The following TLK1 variants were observed in gnomAD, a reference collection of about 807,000 sequenced individuals.
TLK1 encodes the protein serine/threonine-protein kinase tousled-like 1.
A neutral mutation model predicts 105.3 loss-of-function variants in TLK1; 24 were observed. That is an observed-to-expected ratio of 0.23 (90% CI 0.17 to 0.32). TLK1 has a LOEUF of 0.32. TLK1 is among the 10% of genes least tolerant of loss of function. TLK1 has a pLI of 1.00. For synonymous variants in TLK1, 321 were observed against 310.4 expected (o/e 1.03, Z -0.36); for missense variants, 558 against 910.5 (o/e 0.61, Z 4.98).
intron 1 of TLK1, among the ~76,000 whole-genome samples, chr2:171,138,107 A>G (rs1490340405): frequency 6.6e-6 from 1 of 152,158 alleles, no homozygotes; most frequent in Non-Finnish European, 1.5e-5. Flanking sequence ...ACTTTCTTAA[A>G]AGCAAGCTCA....
At chr2:171,192,417 C>T (rs1300146253) in intron 1 of TLK1, among the ~76,000 whole-genome samples, 3 of 152,124 alleles carry the variant, frequency 2.0e-5, no homozygotes, top group Admixed American at 1.3e-4. Context: ...CGGTGGCTCA[C>T]GCCTATAATC....
intron 3 of TLK1, among the ~76,000 whole-genome samples, chr2:171,081,968 A>G (rs1353868591): frequency 1.3e-5 from 2 of 152,088 alleles, no homozygotes; most frequent in African/African-American, 4.8e-5. Context: ...AAAAAAGTCT[A>G]TACTAATCAA....
intron 12 of TLK1, among the ~76,000 whole-genome samples, chr2:171,022,567 C>T (rs1474670550): frequency 6.6e-6 from 1 of 152,178 alleles, no homozygotes; most frequent in Non-Finnish European, 1.5e-5. Flanking sequence ...CATCTTGTGT[C>T]AGGTTCTACA....
chr2:171,128,356 A>G (rs1320677229), intron 1 of TLK1, among the ~76,000 whole-genome samples: 2 of 152,160 alleles, frequency 1.3e-5, no homozygotes, highest in Non-Finnish European at 2.9e-5. Context: ...CAAGTTCTTT[A>G]ATCTCTCTCT....
chr2:171,016,430 G>A (rs978754938), intron 12 of TLK1, among the ~76,000 whole-genome samples: 2 of 152,058 alleles, frequency 1.3e-5, no homozygotes, highest in Non-Finnish European at 2.9e-5. Context: ...CACCATGCCC[G>A]GCTTAGAATA....
intron 1 of TLK1, among the ~76,000 whole-genome samples, chr2:171,180,068 CT>C (rs1237483290): frequency 6.8e-6 from 1 of 146,272 alleles, no homozygotes; most frequent in African/African-American, 2.6e-5. Flanking sequence ...GCACTCCAGC[CT>C]GGGTGATAGA....
intron 1 of TLK1, among the ~76,000 whole-genome samples, chr2:171,119,999 C>T (rs981063300): frequency 2.0e-5 from 3 of 152,122 alleles, no homozygotes; most frequent in African/African-American, 7.2e-5. Flanking sequence ...GAAATCCCAG[C>T]ACTTTGGGAG....
At chr2:171,082,182 T>C (rs1175395338) in intron 3 of TLK1, among the ~76,000 whole-genome samples, 4 of 151,794 alleles carry the variant, frequency 2.6e-5, no homozygotes, top group Admixed American at 2.6e-4. Context: ...AAAGATGTCA[T>C]CAAGTATATC....
rs374247819 is a variant in TLK1 at position 171,043,975 on chromosome 2, T to C, written c.1169+2199A>G. 1.5e-4 allele frequency among the ~76,000 whole-genome samples: 23 copies of C among 152,368 alleles called. No homozygotes were observed. The South Asian group carries it at 4.8e-3, about 32-fold the overall frequency. ...TTTACTAACTTACAAAAAGTACAGT[T>C]CTTTTAAAAAATTAATATAGTCAAA... On this transcript the variant is annotated intron_variant, in intron 11 of 20. Transcript: ENST00000431350.
chr2:171,204,287 A>T (rs1254179191), intron 1 of TLK1, among the ~76,000 whole-genome samples: 3 of 152,214 alleles, frequency 2.0e-5, no homozygotes, highest in Non-Finnish European at 4.4e-5. Flanking sequence ...TAGCAGTGCT[A>T]TCGTCCTGGC....
chr2:171,022,189 C>A (rs1033065350), intron 12 of TLK1, among the ~76,000 whole-genome samples: 1 of 150,706 alleles, frequency 6.6e-6, no homozygotes, highest in Non-Finnish European at 1.5e-5. Context: ...TTATCTACTA[C>A]CAAGTTAAGG....
intron 1 of TLK1, among the ~76,000 whole-genome samples, chr2:171,170,714 A>C (rs960171136): frequency 2.6e-5 from 4 of 152,264 alleles, no homozygotes; most frequent in African/African-American, 9.6e-5. Context: ...CAGACTTTGC[A>C]TGTAGAGAAA....
chr2:171,075,464 A>C (rs1688458317), intron 3 of TLK1, among the ~76,000 whole-genome samples: 1 of 152,188 alleles, frequency 6.6e-6, no homozygotes, highest in Non-Finnish European at 1.5e-5. Flanking sequence ...TAACTTGTTC[A>C]AATTTGATTG....
chr2:171,030,214 G>C (rs1685971795), intron 11 of TLK1, among the ~76,000 whole-genome samples: 2 of 152,124 alleles, frequency 1.3e-5, no homozygotes, highest in Non-Finnish European at 2.9e-5. Flanking sequence ...CCTTTAGCTA[G>C]ATGCTAATTA....
At chr2:171,063,394 A>G (rs1687847464) in intron 3 of TLK1, among the ~76,000 whole-genome samples, 1 of 152,096 alleles carries the variant, frequency 6.6e-6, no homozygotes, top group African/African-American at 2.4e-5. Flanking sequence ...ATCCCCAAAT[A>G]ATAATTTATT....
At chr2:171,045,954 T>G (rs193198612) in intron 11 of TLK1, 328 of 412,110 alleles carry the variant, frequency 8.0e-4, no homozygotes, top group Admixed American at 4.9e-3. Context: ...CTTAGCTACC[T>G]AGGTCTCTGT....
chr2:171,091,365 C>T (rs1304701051), intron 2 of TLK1, among the ~76,000 whole-genome samples: 1 of 152,178 alleles, frequency 6.6e-6, no homozygotes, highest in Non-Finnish European at 1.5e-5. Flanking sequence ...ATAAACATTC[C>T]TTGCATCCCT....
chr2:171,098,150 C>G (rs770453783), intron 2 of TLK1, among the ~76,000 whole-genome samples: 17 of 152,012 alleles, frequency 1.1e-4, no homozygotes, highest in Non-Finnish European at 2.1e-4. Context: ...AAAGGTTCAT[C>G]TACACTGAAT....
chr2:171,093,352 C>A (rs1466131376), intron 2 of TLK1, among the ~76,000 whole-genome samples: 1 of 152,002 alleles, frequency 6.6e-6, no homozygotes, highest in East Asian at 1.9e-4. Context: ...TGGATTTGGG[C>A]AATTAGATGG....
Sources: gnomAD v4.1 joint callset for allele counts (sites outside exome capture counted in the v4.1 genomes callset) on GRCh38, gnomAD v4.1.1 for gene constraint, MANE v1.5 for transcripts, NCBI Gene and HGNC (gene_info 2026-07-23, HGNC 2026-07-21) for gene names.